Variants in TRPM3 observed in about 807,000 individuals in gnomAD.
The protein encoded by TRPM3 is long transient receptor potential channel 3.
TRPM3 carries 77 observed loss-of-function variants against 181.2 expected under a neutral mutation model. The observed-to-expected ratio is 0.42, with a 90% CI of 0.35 to 0.51. The LOEUF (loss-of-function observed/expected upper bound fraction) is 0.51, where lower values mean the gene tolerates loss of function less well. Ranked by LOEUF, TRPM3 falls within the 20% of genes least tolerant of loss-of-function variation. TRPM3 has a pLI of 0.01. For synonymous variants in TRPM3, 745 were observed against 796.4 expected (o/e 0.94, Z 1.09); for missense variants, 1,759 against 2,196.7 (o/e 0.80, Z 3.98).
chr9:70,610,177 A>ACTAC (rs1256113417), intron 19 of TRPM3, among the ~76,000 whole-genome samples: 1 of 152,184 alleles, frequency 6.6e-6, no homozygotes, highest in Non-Finnish European at 1.5e-5. Context: ...GCATACACAC[A>ACTAC]CTACCTTCTT....
At chr9:71,042,447 G>A (rs969451581) in intron 1 of TRPM3, among the ~76,000 whole-genome samples, 8 of 152,122 alleles carry the variant, frequency 5.3e-5, no homozygotes, top group South Asian at 2.1e-4. Flanking sequence ...CATGAAGAAC[G>A]GAATGTATCT....
chr9:71,338,570 G>C (rs2090736292), intron 1 of TRPM3, among the ~76,000 whole-genome samples: 1 of 152,092 alleles, frequency 6.6e-6, no homozygotes, highest in South Asian at 2.1e-4. Flanking sequence ...GAATGTATGA[G>C]TAATGAGAGA....
chr9:71,247,053 G>A (rs2082073283), intron 1 of TRPM3, among the ~76,000 whole-genome samples: 1 of 152,312 alleles, frequency 6.6e-6, no homozygotes, highest in African/African-American at 2.4e-5. Context: ...CAGTGGCAGT[G>A]GAGAGGGATA....
chr9:71,318,007 T>C (rs1455127630), intron 1 of TRPM3, among the ~76,000 whole-genome samples: 1 of 152,152 alleles, frequency 6.6e-6, no homozygotes, highest in Admixed American at 6.5e-5. Context: ...CCCAGCATTT[T>C]GAAAGGCCAA....
At chr9:70,592,210 A>G (rs1401870028) in intron 21 of TRPM3, among the ~76,000 whole-genome samples, 2 of 152,160 alleles carry the variant, frequency 1.3e-5, no homozygotes, top group Non-Finnish European at 2.9e-5. Flanking sequence ...TATGGCCACA[A>G]GGTAGGTGTG....
rs75555633 is a variant in TRPM3 at position 70,624,398 on chromosome 9, C to T, written c.1809+793G>A. ...ACAGCCTCGAACTCCTGGGCTCAAG[C>T]GAGTCTCCTGCCTCAGCCCCCTTAG... On this transcript the variant is annotated intron_variant, in intron 14 of 25. Coordinates refer to ENST00000677713, the MANE Select transcript of TRPM3 (RefSeq NM_001366145.2). 9.2e-3 allele frequency among the ~76,000 whole-genome samples: 1,405 copies of T among 152,234 alleles called. 21 individuals are homozygous for T. Among genetic ancestry groups the T allele is most frequent in the African/African-American group, 0.032 (1,339 of 41,522 alleles).
At chr9:71,428,966 A>T (rs911209270) in intron 1 of TRPM3, among the ~76,000 whole-genome samples, 45 of 146,302 alleles carry the variant, frequency 3.1e-4, no homozygotes, top group South Asian at 1.3e-3. Flanking sequence ...AAAAAAAAAA[A>T]AGGAAACAGG....
chr9:70,623,295 G>T (rs2063915445), intron 14 of TRPM3, among the ~76,000 whole-genome samples: 1 of 151,684 alleles, frequency 6.6e-6, no homozygotes, highest in Non-Finnish European at 1.5e-5. Flanking sequence ...GAACCTGGGA[G>T]GTGGAGGTTG....
At chr9:70,905,396 A>G (rs1210595571) in intron 1 of TRPM3, among the ~76,000 whole-genome samples, 2 of 152,240 alleles carry the variant, frequency 1.3e-5, no homozygotes, top group East Asian at 3.8e-4. Context: ...CTTTGTTTAG[A>G]GATCAGCAGC....
chr9:70,635,385 C>T, intron 11 of TRPM3, 124 bp from the exon 12 acceptor site: 1 of 688,032 alleles, frequency 1.5e-6, no homozygotes, highest in South Asian at 1.8e-5. Flanking sequence ...GGACCTTGTT[C>T]TAGTTGCTCA....
chr9:70,629,216 G>GGGGGGC lies in TRPM3; in HGVS notation c.1633-3700_1633-3699insGCCCCC, dbSNP rs1554790146. Among the ~76,000 whole-genome samples, 41 of 60,262 alleles carry GGGGGGC rather than the reference G, an allele frequency of 6.8e-4. 4 individuals carry two copies. The highest frequency in any genetic ancestry group is 3.0e-3 in the African/African-American group (38 of 12,842). 39.5% of individuals were successfully genotyped at this position (60,262 alleles called of 152,430 possible). ...GATAAATGATTCTGTGACCAGTGCCGGGGGGGGGGGGGGCCTGCGTTCTGT... is the reference window on the plus strand; with the variant it reads ...GATAAATGATTCTGTGACCAGTGCCGGGGGGCGGGGGGGGGGGGGCCTGCGTTCTGT... On this transcript the variant is annotated intron_variant, in intron 12 of 25. Transcript: ENST00000677713.
chr9:71,443,334 G>GA (rs202104581), intron 1 of TRPM3, among the ~76,000 whole-genome samples: 83 of 142,298 alleles, frequency 5.8e-4, no homozygotes, highest in East Asian at 2.6e-3. Flanking sequence ...TACAAAAATG[G>GA]AAAAAAAAAA....
chr9:71,335,375 G>T (rs1040685720), intron 1 of TRPM3, among the ~76,000 whole-genome samples: 6 of 151,956 alleles, frequency 3.9e-5, no homozygotes, highest in Non-Finnish European at 8.8e-5. Context: ...CAATATTAAG[G>T]AAATAGTGCT....
chr9:70,852,546 A>T (rs577558775), intron 3 of TRPM3, among the ~76,000 whole-genome samples: 2 of 152,228 alleles, frequency 1.3e-5, no homozygotes, highest in Admixed American at 6.5e-5. Flanking sequence ...CTATTTCTTC[A>T]GTTGCCATTT....
At chr9:71,238,017 C>A (rs558672610) in intron 1 of TRPM3, among the ~76,000 whole-genome samples, 1 of 152,180 alleles carries the variant, frequency 6.6e-6, no homozygotes, top group South Asian at 2.1e-4. Flanking sequence ...ATTCTAACTA[C>A]GGCAGAGGGT....
At chr9:70,748,768 C>A (rs1327392579) in intron 8 of TRPM3, among the ~76,000 whole-genome samples, 1 of 152,150 alleles carries the variant, frequency 6.6e-6, no homozygotes, top group African/African-American at 2.4e-5. Flanking sequence ...AACAATAAAT[C>A]TCTGTTGTTT....
At chr9:70,592,126 G>A (rs530143654) in intron 21 of TRPM3, among the ~76,000 whole-genome samples, 30 of 152,228 alleles carry the variant, frequency 2.0e-4, no homozygotes, top group Non-Finnish European at 3.7e-4. Context: ...AAATAGATGA[G>A]GATGCAATAA....
intron 8 of TRPM3, among the ~76,000 whole-genome samples, chr9:70,750,856 C>T (rs1301793189): frequency 2.0e-5 from 3 of 152,014 alleles, no homozygotes; most frequent in Non-Finnish European, 4.4e-5. Context: ...GTGAGACATC[C>T]AAGCGCAAGC....
intron 1 of TRPM3, among the ~76,000 whole-genome samples, chr9:71,107,070 C>G (rs1341223343): frequency 6.6e-6 from 1 of 152,158 alleles, no homozygotes; most frequent in Admixed American, 6.5e-5. Context: ...TGCACTTCAA[C>G]TTGAGCAATG....
Sources: gnomAD v4.1 joint callset for allele counts (sites outside exome capture counted in the v4.1 genomes callset) on GRCh38, gnomAD v4.1.1 for gene constraint, MANE v1.5 for transcripts, NCBI Gene and HGNC (gene_info 2026-07-23, HGNC 2026-07-21) for gene names.